Variants in INPP5A observed in about 807,000 individuals in gnomAD.
INPP5A encodes 43 kDa inositol polyphosphate 5-phophatase.
Under a neutral mutation model 65.2 loss-of-function variants are expected in INPP5A, and 14 were observed. That is an observed-to-expected ratio of 0.21 (90% CI 0.14 to 0.34). The LOEUF is 0.34. Among genes scored for constraint, INPP5A ranks in the 10% least tolerant of loss-of-function variants. INPP5A has a pLI of 1.00. For missense variants in INPP5A, 431 were observed against 545.6 expected (o/e 0.79, Z 2.09); for synonymous variants, 207 against 208.3 (o/e 0.99, Z 0.05).
At chr10:132,609,961 G>C (rs1302823629) in intron 2 of INPP5A, among the ~76,000 whole-genome samples, 1 of 152,168 alleles carries the variant, frequency 6.6e-6, no homozygotes, top group Non-Finnish European at 1.5e-5. Context: ...CTTTTTTCTT[G>C]GTTTATTTTA....
chr10:132,568,189 CAAAAAAAAAAAA>C (rs56217302), intron 1 of INPP5A, among the ~76,000 whole-genome samples: 1 of 61,986 alleles, frequency 1.6e-5, no homozygotes, highest in East Asian at 5.3e-4. Flanking sequence ...GACTCCGTCT[CAAAAAAAAAAAA>C]AAAAAAAAAA....
chr10:132,567,507 C>A (rs968443461), intron 1 of INPP5A, among the ~76,000 whole-genome samples: 2 of 152,202 alleles, frequency 1.3e-5, no homozygotes, highest in Admixed American at 6.5e-5. Flanking sequence ...TCCTATGTTT[C>A]CCCTGATAGG....
intron 4 of INPP5A, among the ~76,000 whole-genome samples, chr10:132,657,128 A>G (rs35474212): frequency 0.084 from 12,730 of 152,274 alleles, 702 homozygotes; most frequent in Non-Finnish European, 0.13. Flanking sequence ...GCACTTGCTA[A>G]GCTGCGCCGC....
rs918274011 is a variant in INPP5A at position 132,676,000 on chromosome 10, C to T, written c.307-14392C>T. 1.3e-5 allele frequency among the ~76,000 whole-genome samples: 2 copies of T among 152,100 alleles called. No homozygotes were observed. The highest frequency in any genetic ancestry group is 6.5e-5 in the Admixed American group (1 of 15,268). On this transcript the variant is annotated intron_variant, in intron 4 of 15. Coordinates refer to ENST00000368594, the MANE Select transcript of INPP5A (RefSeq NM_005539.5). This position sits in a 1 kb window ranked among gnomAD's most constrained non-coding sequence, Gnocchi z 4.2. ...AGAAGACAAAAGATAAGAGTCAGAA[C>T]CATTTTAATTAGGATGCAAACTCCT...
chr10:132,746,144 C>T (rs955806074), intron 9 of INPP5A, among the ~76,000 whole-genome samples: 11 of 152,220 alleles, frequency 7.2e-5, no homozygotes, highest in African/African-American at 9.6e-5. Context: ...GCTCTGGACA[C>T]CTGGTGATTC....
In INPP5A at chr10:132,549,745, A is replaced by T. The variant is rs1396056585; in HGVS notation, c.75+11574A>T. ...GACACAGGTCGGGGCCACCCAGCCC[A>T]GCCTGGGTTCCTGCAGCCCCCACTC... is the stretch of plus-strand genomic sequence containing the variant. On this transcript the variant is annotated intron_variant, in intron 1 of 15. Coordinates refer to ENST00000368594, the MANE Select transcript of INPP5A (RefSeq NM_005539.5). This position sits in a 1 kb window ranked among gnomAD's most constrained non-coding sequence, Gnocchi z 4.9. 6.6e-6 allele frequency among the ~76,000 whole-genome samples: 1 copy of T among 152,072 alleles called. No homozygotes were observed.
chr10:132,690,116 G>C (rs908126305), intron 4 of INPP5A, among the ~76,000 whole-genome samples: 1 of 152,130 alleles, frequency 6.6e-6, no homozygotes, highest in Non-Finnish European at 1.5e-5. Context: ...CACCTGGGAA[G>C]GGTCTGGTCC....
At chr10:132,601,382 A>AAT (rs2071775547) in intron 1 of INPP5A, among the ~76,000 whole-genome samples, 1 of 152,356 alleles carries the variant, frequency 6.6e-6, no homozygotes, top group South Asian at 2.1e-4. Context: ...GAAGGTTAAA[A>AAT]ATATATTCTG....
At chr10:132,671,308 C>T (rs576075116) in intron 4 of INPP5A, among the ~76,000 whole-genome samples, 23 of 133,232 alleles carry the variant, frequency 1.7e-4, no homozygotes, top group Middle Eastern at 4.0e-3. Context: ...ACGTGGGCTG[C>T]GGCGAGGCTT....
chr10:132,538,995 C>G lies in INPP5A; in HGVS notation c.75+824C>G, dbSNP rs1206770933. Reference sequence around the variant, plus strand: ...GAACCTGGAACCCTGGTTCCAGAATCAGGCCCCAAACCCAATTCTGGACCC... The same window carrying G: ...GAACCTGGAACCCTGGTTCCAGAATGAGGCCCCAAACCCAATTCTGGACCC... On this transcript the variant is annotated intron_variant, in intron 1 of 15. Transcript: ENST00000368594. This position sits in a 1 kb window ranked among gnomAD's most constrained non-coding sequence, Gnocchi z 4.1. Among the ~76,000 whole-genome samples, 1 of 152,160 alleles carries G rather than the reference C, an allele frequency of 6.6e-6. No individual in the cohort carries two copies. The highest frequency in any genetic ancestry group is 1.5e-5 in the Non-Finnish European group (1 of 68,026).
Position 132,675,223 on chromosome 10 carries a change from G to A in INPP5A, c.307-15169G>A, listed in dbSNP as rs751352371. Among the ~76,000 whole-genome samples, 2 of 152,250 alleles carry A rather than the reference G, an allele frequency of 1.3e-5. No homozygotes were observed. Among genetic ancestry groups the A allele is most frequent in the Non-Finnish European group, 2.9e-5 (2 of 68,042 alleles). ...ACTGACAGGCCACCTTCCTGTTCCT[G>A]CAGAAATGGTAACCGCAGGGGACGG... On this transcript the variant is annotated intron_variant, in intron 4 of 15. Transcript: ENST00000368594. This position sits in a 1 kb window ranked among gnomAD's most constrained non-coding sequence, Gnocchi z 4.2.
chr10:132,713,530 T>C (rs1434079662), intron 8 of INPP5A, among the ~76,000 whole-genome samples: 1 of 152,088 alleles, frequency 6.6e-6, no homozygotes, highest in East Asian at 1.9e-4. Context: ...TGGCCTTGGC[T>C]CTCCTCTGCA....
chr10:132,759,280 G>T (rs1438298790), intron 11 of INPP5A, among the ~76,000 whole-genome samples: 17 of 152,166 alleles, frequency 1.1e-4, no homozygotes, highest in Admixed American at 1.1e-3. Flanking sequence ...GGTAGTGAGG[G>T]GTCCTCAGAA....
intron 1 of INPP5A, among the ~76,000 whole-genome samples, chr10:132,573,228 G>A (rs1250503622): frequency 2.9e-5 from 4 of 139,120 alleles, no homozygotes; most frequent in Admixed American, 1.5e-4. Flanking sequence ...GGGTGTGTGT[G>A]CTGTGTGAGG....
At chr10:132,561,559 C>G (rs746415273) in intron 1 of INPP5A, among the ~76,000 whole-genome samples, 1 of 152,082 alleles carries the variant, frequency 6.6e-6, no homozygotes, top group Non-Finnish European at 1.5e-5. Context: ...ATCTATGTGT[C>G]TGTCCTTATG....
intron 12 of INPP5A, 29 bp downstream of exon 12, chr10:132,765,875 C>T (rs767819013): frequency 7.0e-7 from 1 of 1,432,624 alleles, no homozygotes; most frequent in South Asian, 1.1e-5. Context: ...GCTGGATGAA[C>T]CCGGCCGGGA....
At chr10:132,628,478 G>A (rs1219486877) in intron 2 of INPP5A, among the ~76,000 whole-genome samples, 1 of 137,036 alleles carries the variant, frequency 7.3e-6, no homozygotes, top group Non-Finnish European at 1.6e-5. Context: ...GGGGGGGGGG[G>A]CGTGGCGTGG....
At chr10:132,747,863 A>G (rs552746765) in intron 9 of INPP5A, among the ~76,000 whole-genome samples, 1 of 152,338 alleles carries the variant, frequency 6.6e-6, no homozygotes, top group East Asian at 1.9e-4. Flanking sequence ...AACCTGGGCA[A>G]CATCATGAGA....
intron 11 of INPP5A, among the ~76,000 whole-genome samples, chr10:132,765,166 C>T (rs568667655): frequency 2.0e-5 from 3 of 150,042 alleles, no homozygotes; most frequent in South Asian, 2.2e-4. Flanking sequence ...GTGTGGTGAC[C>T]GCTCAGAAAC....
Sources: gnomAD v4.1 joint callset for allele counts (sites outside exome capture counted in the v4.1 genomes callset) on GRCh38, gnomAD v4.1.1 for gene constraint, Gnocchi (gnomAD v3.1) non-coding constraint, MANE v1.5 for transcripts, NCBI Gene and HGNC (gene_info 2026-07-23, HGNC 2026-07-21) for gene names.